The following CSMD2 variants were observed in gnomAD, a reference collection of about 807,000 sequenced individuals.
CSMD2 encodes the protein CUB and sushi domain-containing protein 2.
Under a neutral mutation model 398.5 loss-of-function variants are expected in CSMD2, and 130 were observed. The ratio of observed to expected loss-of-function variants is 0.33; its 90% CI spans 0.28 to 0.38. The LOEUF is 0.38. Ranked by LOEUF, CSMD2 falls within the 10% of genes least tolerant of loss-of-function variation. CSMD2 has a pLI of 1.00. For missense variants in CSMD2, 3,829 were observed against 4,764.9 expected (o/e 0.80, Z 5.78); for synonymous variants, 1,828 against 1,908.5 (o/e 0.96, Z 1.10).
Position 34,164,683 on chromosome 1 carries a change from G to A in CSMD2, c.187+228C>T, listed in dbSNP as rs1641702940. Among the ~76,000 whole-genome samples the A allele has an allele frequency of 6.6e-6, 1 of 152,144 alleles. No homozygotes were observed. The highest frequency in any genetic ancestry group is 2.4e-5 in the African/African-American group (1 of 41,450). On this transcript the variant is annotated intron_variant, in intron 1 of 70. Coordinates refer to ENST00000373381, the MANE Select transcript of CSMD2 (RefSeq NM_001281956.2). The surrounding 1 kb of genome is among the most constrained non-coding windows in gnomAD (Gnocchi z 6.2). ...ACCGGCCGCATCCGTCCAAGTTGCGGCTGGGGTTGGGGCAGCAGTGAGGGT... is the reference window on the plus strand; with the variant it reads ...ACCGGCCGCATCCGTCCAAGTTGCGACTGGGGTTGGGGCAGCAGTGAGGGT...
chr1:33,872,148 T>C (rs1640519617), intron 5 of CSMD2, among the ~76,000 whole-genome samples: 1 of 152,222 alleles, frequency 6.6e-6, no homozygotes, highest in South Asian at 2.1e-4. Context: ...AGTGCCACTA[T>C]TGTCTGCAGT....
At chr1:33,726,824 G>T in intron 15 of CSMD2, 139 bp from the exon 16 acceptor site, 1 of 963,742 alleles carries the variant, frequency 1.0e-6, no homozygotes, top group Non-Finnish European at 1.5e-6. Flanking sequence ...TAAACTGTGA[G>T]TTTTGTCTAC....
chr1:33,841,226 T>G (rs1443172250), intron 6 of CSMD2, among the ~76,000 whole-genome samples: 1 of 152,080 alleles, frequency 6.6e-6, no homozygotes, highest in African/African-American at 2.4e-5. Flanking sequence ...CAAATGACGA[T>G]CATTAGGTCA....
At chr1:33,822,724 C>T (rs1033065887) in intron 7 of CSMD2, among the ~76,000 whole-genome samples, 7 of 152,060 alleles carry the variant, frequency 4.6e-5, no homozygotes, top group African/African-American at 9.7e-5. Flanking sequence ...AGTAATGGAA[C>T]GGAGATAACT....
intron 2 of CSMD2, among the ~76,000 whole-genome samples, chr1:34,059,807 G>T (rs958294270): frequency 1.3e-5 from 2 of 152,180 alleles, no homozygotes; most frequent in Non-Finnish European, 2.9e-5. Context: ...ATCCTGGTGG[G>T]TAACTCTTGC....
chr1:33,620,942 C>T (rs189571855), intron 37 of CSMD2, among the ~76,000 whole-genome samples: 120 of 151,578 alleles, frequency 7.9e-4, no homozygotes, highest in African/African-American at 2.9e-3. Context: ...TGGGCATGTG[C>T]ATAACACAGT....
At chr1:33,545,516 T>C (rs1421415721) in intron 57 of CSMD2, among the ~76,000 whole-genome samples, 2 of 152,252 alleles carry the variant, frequency 1.3e-5, no homozygotes, top group Non-Finnish European at 2.9e-5. Flanking sequence ...TGGTGCCTTC[T>C]TGCTGTGTCT....
intron 1 of CSMD2, among the ~76,000 whole-genome samples, chr1:34,152,882 C>T (rs1382711166): frequency 6.6e-6 from 1 of 152,142 alleles, no homozygotes; most frequent in Non-Finnish European, 1.5e-5. Flanking sequence ...GATTAACTCC[C>T]CATCTCTCCC....
intron 13 of CSMD2, among the ~76,000 whole-genome samples, chr1:33,760,399 A>G (rs1351907080): frequency 1.3e-5 from 2 of 152,188 alleles, no homozygotes; most frequent in Non-Finnish European, 1.5e-5. Flanking sequence ...CTCCTGCCCT[A>G]TGCTACTGGG....
chr1:33,601,063 C>A, intron 43 of CSMD2, 53 bp from the exon 44 acceptor site: 1 of 1,608,328 alleles, frequency 6.2e-7, no homozygotes, highest in Non-Finnish European at 8.5e-7. Flanking sequence ...TGGCTGCCTG[C>A]TCCACTTGGT....
At chr1:33,762,566 C>T (rs1462116562) in intron 13 of CSMD2, among the ~76,000 whole-genome samples, 1 of 152,146 alleles carries the variant, frequency 6.6e-6, no homozygotes, top group Non-Finnish European at 1.5e-5. Flanking sequence ...TTGAACTGGG[C>T]CTTGGATTAA....
At chr1:33,585,349 C>T (rs1639010433) in intron 46 of CSMD2, among the ~76,000 whole-genome samples, 1 of 152,146 alleles carries the variant, frequency 6.6e-6, no homozygotes, top group African/African-American at 2.4e-5. Flanking sequence ...ATGGGCTGTT[C>T]ACCCATCTCA....
At chr1:33,779,776 C>T (rs910449975) in intron 12 of CSMD2, among the ~76,000 whole-genome samples, 2 of 152,186 alleles carry the variant, frequency 1.3e-5, no homozygotes, top group Non-Finnish European at 2.9e-5. Context: ...CAATTTTGGG[C>T]GTGTGTTTCC....
chr1:34,023,859 G>C (rs1649270771), intron 3 of CSMD2, among the ~76,000 whole-genome samples: 1 of 152,172 alleles, frequency 6.6e-6, no homozygotes. Flanking sequence ...GCTCAAACTT[G>C]ATCTCCAGAA....
chr1:34,064,135 C>G (rs9425984), intron 2 of CSMD2, among the ~76,000 whole-genome samples: 1 of 152,106 alleles, frequency 6.6e-6, no homozygotes, highest in Admixed American at 6.5e-5. Context: ...TGGGAGGTGC[C>G]GCTGTGAAGG....
intron 2 of CSMD2, among the ~76,000 whole-genome samples, chr1:34,038,028 G>T (rs895564887): frequency 1.3e-5 from 2 of 152,124 alleles, no homozygotes; most frequent in African/African-American, 4.8e-5. Context: ...CAGCAGGGAG[G>T]ATTCCTCAAA....
At chr1:34,063,847 T>C (rs1654807437) in intron 2 of CSMD2, among the ~76,000 whole-genome samples, 1 of 152,232 alleles carries the variant, frequency 6.6e-6, no homozygotes, top group Non-Finnish European at 1.5e-5. Context: ...CAGCAAACTT[T>C]TGCCTGGGCA....
Position 33,519,897 on chromosome 1 carries a change from T to C in CSMD2, c.10651A>G (p.Asn3551Asp). 1 of 1,614,070 alleles carries C rather than the reference T, an allele frequency of 6.2e-7. No homozygotes were observed. The highest frequency in any genetic ancestry group is 8.5e-7 in the Non-Finnish European group (1 of 1,179,996). The change falls in exon 69 of 71, where the codon AAC becomes GAC. Residue 3551 changes from asparagine to aspartate, a missense_variant. Around this residue, in one of 5 missense-constraint regions of CSMD2, gnomAD observed 917 missense variants for 1,199.5 expected, o/e 0.76. Coordinates refer to ENST00000373381, the MANE Select transcript of CSMD2 (RefSeq NM_001281956.2). This position sits in a 1 kb window ranked among gnomAD's most constrained non-coding sequence, Gnocchi z 5.6. ...PESIGRHFASNSSSVAAAILV... is the reference protein window; with the variant it reads ...PESIGRHFASDSSSVAAAILV... The stretch of plus-strand genomic sequence containing the variant: ...ATCGCGGCTGCCACTGAGCTGCTGT[T>C]GGAAGCAAAGTGGCGGCCAATGGAC...
intron 6 of CSMD2, chr1:33,839,084 T>C (rs936833340): frequency 1.3e-5 from 2 of 152,264 alleles, no homozygotes; most frequent in Non-Finnish European, 2.9e-5. Context: ...TAATCACAAA[T>C]GTTGGAAGGG....
Sources: allele counts gnomAD v4.1 joint callset (sites outside exome capture counted in the v4.1 genomes callset), GRCh38; gene constraint gnomAD v4.1.1; regional missense constraint gnomAD v4.1.1; non-coding constraint Gnocchi (gnomAD v3.1); transcripts MANE v1.5; gene names NCBI Gene and HGNC (gene_info 2026-07-23, HGNC 2026-07-21).